Variants in KIRREL3 observed in about 807,000 individuals in gnomAD.
KIRREL3 encodes kirre like nephrin family adhesion molecule 3.
Under a neutral mutation model 89.7 loss-of-function variants are expected in KIRREL3, and 36 were observed. The observed-to-expected ratio is 0.40, with a 90% CI of 0.31 to 0.53. KIRREL3 has a LOEUF of 0.53. Among genes scored for constraint, KIRREL3 ranks in the 20% least tolerant of loss-of-function variants. The pLI, the probability that KIRREL3 is intolerant of heterozygous loss-of-function variation, is 0.49. For synonymous variants in KIRREL3, 445 were observed against 441.4 expected (o/e 1.01, Z -0.10); for missense variants, 864 against 1,056.6 (o/e 0.82, Z 2.53).
chr11:126,772,432 G>A lies in KIRREL3; in HGVS notation c.56-209520C>T, dbSNP rs12792630. 0.13 allele frequency among the ~76,000 whole-genome samples: 19,894 copies of A among 152,112 alleles called. 1,757 individuals are homozygous for A. Among genetic ancestry groups the A allele is most frequent in the Non-Finnish European group, 0.2 (13,257 of 67,950 alleles). ...GGATGGCTTATAATTTGAGGGAGAC[G>A]TTTGGGAGGAGGATGCTTCAGCCGC... On this transcript the variant is annotated intron_variant, in intron 1 of 16. Coordinates refer to ENST00000525144, the MANE Select transcript of KIRREL3 (RefSeq NM_032531.4). This position sits in a 1 kb window ranked among gnomAD's most constrained non-coding sequence, Gnocchi z 4.6.
At chr11:126,927,686 TC>T (rs1947778907) in intron 1 of KIRREL3, among the ~76,000 whole-genome samples, 1 of 152,206 alleles carries the variant, frequency 6.6e-6, no homozygotes, top group South Asian at 2.1e-4. Context: ...CCTCCCTCTG[TC>T]TTCCACCTCC....
At chr11:126,510,744 T>G (rs1252493820) in intron 4 of KIRREL3, among the ~76,000 whole-genome samples, 1 of 152,196 alleles carries the variant, frequency 6.6e-6, no homozygotes, top group Non-Finnish European at 1.5e-5. Flanking sequence ...GTATCTCTCT[T>G]ATGTCTTTTA....
At chr11:126,478,910 T>A (rs1487544054) in intron 4 of KIRREL3, among the ~76,000 whole-genome samples, 1 of 152,170 alleles carries the variant, frequency 6.6e-6, no homozygotes, top group African/African-American at 2.4e-5. Flanking sequence ...AACTCTGCGC[T>A]GCTGTGGCAT....
At chr11:126,589,971 A>C (rs184670438) in intron 1 of KIRREL3, among the ~76,000 whole-genome samples, 135 of 152,276 alleles carry the variant, frequency 8.9e-4, no homozygotes, top group African/African-American at 3.2e-3. Context: ...GCTCCCTCTG[A>C]ATACCAGCCA....
chr11:126,937,714 A>G (rs1320051261), intron 1 of KIRREL3, among the ~76,000 whole-genome samples: 3 of 152,252 alleles, frequency 2.0e-5, no homozygotes, highest in East Asian at 3.9e-4. Flanking sequence ...CCTGGCTAAC[A>G]CAGTGAAACC....
At position 126,443,279 on chromosome 11, in the gene KIRREL3, T is replaced by C. The variant is rs2134185676; in HGVS notation, c.1252+1700A>G. Among the ~76,000 whole-genome samples, 1 of 152,172 alleles carries C rather than the reference T, an allele frequency of 6.6e-6. No homozygotes were observed. The highest frequency in any genetic ancestry group is 1.9e-4 in the East Asian group (1 of 5,164). On this transcript the variant is annotated intron_variant, in intron 10 of 16. Transcript: ENST00000525144. This position sits in a 1 kb window ranked among gnomAD's most constrained non-coding sequence, Gnocchi z 7.3. ...AGGCACAGACAGCCTGACTTCCGAG[T>C]GCCCTGGCTGGCGCGGGCTGTGTGG...
chr11:126,893,235 G>T (rs1945995370), intron 1 of KIRREL3, among the ~76,000 whole-genome samples: 1 of 152,180 alleles, frequency 6.6e-6, no homozygotes, highest in South Asian at 2.1e-4. Context: ...AAATAGTGAT[G>T]GGGTTATGTC....
rs1192337123 is a variant in KIRREL3 at position 126,462,428 on chromosome 11, G to T, written c.742+729C>A. 6.6e-6 allele frequency among the ~76,000 whole-genome samples: 1 copy of T among 152,152 alleles called. No homozygotes were observed. The highest frequency in any genetic ancestry group is 1.5e-5 in the Non-Finnish European group (1 of 68,030). ...ATCTGTAATCCCAGCACTTTAGGAG[G>T]CCAAGGCGGGCGGAACACTTGAGGT... is the stretch of plus-strand genomic sequence containing the variant. On this transcript the variant is annotated intron_variant, in intron 6 of 16. Coordinates refer to ENST00000525144, the MANE Select transcript of KIRREL3 (RefSeq NM_032531.4). The surrounding 1 kb of genome is among the most constrained non-coding windows in gnomAD (Gnocchi z 4.8).
At chr11:126,538,364 G>A (rs1938085103) in intron 2 of KIRREL3, among the ~76,000 whole-genome samples, 1 of 152,192 alleles carries the variant, frequency 6.6e-6, no homozygotes, top group African/African-American at 2.4e-5. Context: ...AAGGGAAGCT[G>A]CCCCTCCAGA....
chr11:126,939,671 C>G (rs1221196161), intron 1 of KIRREL3, among the ~76,000 whole-genome samples: 1 of 152,160 alleles, frequency 6.6e-6, no homozygotes, highest in African/African-American at 2.4e-5. Context: ...GCAAGCATCT[C>G]CCCTTCCTTC....
intron 1 of KIRREL3, among the ~76,000 whole-genome samples, chr11:126,865,969 C>CCAGTAGACACAGTAATA (rs2134642655): frequency 6.6e-6 from 1 of 152,184 alleles, no homozygotes; most frequent in East Asian, 1.9e-4. Flanking sequence ...AGTAGCCAGC[C>CCAGTAGACACAGTAATA]CAGTAGACAC....
At chr11:126,434,215 G>A (rs1413030095) in intron 13 of KIRREL3, among the ~76,000 whole-genome samples, 1 of 152,244 alleles carries the variant, frequency 6.6e-6, no homozygotes, top group African/African-American at 2.4e-5. Flanking sequence ...GGAGGGAGGG[G>A]CTGTCCCCAC....
rs544081059 is a variant in KIRREL3, at chr11:126,814,770, G to A, written c.55+185685C>T. Among the ~76,000 whole-genome samples, 6 of 152,276 alleles carry A rather than the reference G, an allele frequency of 3.9e-5. No homozygotes were observed. Among genetic ancestry groups the A allele is most frequent in the South Asian group, 2.1e-4 (1 of 4,812 alleles). ...ACAACACACACTGGGACCTGATGGG[G>A]GTGTGGGTTGGGGGAGGGAGAGCAC... On this transcript the variant is annotated intron_variant, in intron 1 of 16. Coordinates refer to ENST00000525144, the MANE Select transcript of KIRREL3 (RefSeq NM_032531.4). This position sits in a 1 kb window ranked among gnomAD's most constrained non-coding sequence, Gnocchi z 4.4.
At chr11:126,779,988 G>A (rs1251233169) in intron 1 of KIRREL3, among the ~76,000 whole-genome samples, 1 of 152,160 alleles carries the variant, frequency 6.6e-6, no homozygotes, top group African/African-American at 2.4e-5. Context: ...ATCTAGTGGG[G>A]AAAGCTCGGC....
chr11:126,577,581 T>C (rs2134651280), intron 1 of KIRREL3, among the ~76,000 whole-genome samples: 1 of 100,012 alleles, frequency 1.0e-5, no homozygotes, highest in African/African-American at 4.2e-5. Flanking sequence ...ACCCTGTCTC[T>C]ACTAAAAATA....
Position 126,954,557 on chromosome 11 carries a change from A to G in KIRREL3, c.55+45898T>C, listed in dbSNP as rs1948867664. ...GGCCTTTATCCAAGCTGGGTAGAAC[A>G]GATGGCCCAGAAAGCGCAAACCCAC... On this transcript the variant is annotated intron_variant, in intron 1 of 16. Transcript: ENST00000525144. This position sits in a 1 kb window ranked among gnomAD's most constrained non-coding sequence, Gnocchi z 4.1. Among the ~76,000 whole-genome samples the G allele has an allele frequency of 6.6e-6, 1 of 151,656 alleles. No homozygotes were observed. The highest frequency in any genetic ancestry group is 1.5e-5 in the Non-Finnish European group (1 of 67,978).
chr11:126,820,542 G>A (rs1259242463), intron 1 of KIRREL3, among the ~76,000 whole-genome samples: 1 of 152,108 alleles, frequency 6.6e-6, no homozygotes, highest in Non-Finnish European at 1.5e-5. Flanking sequence ...CACGATAAGA[G>A]GTAAAAAATT....
chr11:126,866,150 G>C (rs879044632), intron 1 of KIRREL3, among the ~76,000 whole-genome samples: 2 of 152,244 alleles, frequency 1.3e-5, no homozygotes, highest in Admixed American at 1.3e-4. Flanking sequence ...CTGGATCTTA[G>C]AGAGTGATGG....
intron 1 of KIRREL3, among the ~76,000 whole-genome samples, chr11:126,590,936 G>A (rs1002273129): frequency 2.0e-5 from 3 of 152,214 alleles, no homozygotes; most frequent in Non-Finnish European, 4.4e-5. Flanking sequence ...ATTAGAAAGT[G>A]ATCTGGCTGG....
Sources: gnomAD v4.1 joint callset for allele counts (sites outside exome capture counted in the v4.1 genomes callset) on GRCh38, gnomAD v4.1.1 for gene constraint, Gnocchi (gnomAD v3.1) non-coding constraint, MANE v1.5 for transcripts, NCBI Gene and HGNC (gene_info 2026-07-23, HGNC 2026-07-21) for gene names.